Variants in CAPN7 observed in about 807,000 individuals in gnomAD.
CAPN7 encodes calpain 7.
A neutral mutation model predicts 115.2 loss-of-function variants in CAPN7; 72 were observed. The ratio of observed to expected loss-of-function variants is 0.63; its 90% CI spans 0.52 to 0.76. The LOEUF (loss-of-function observed/expected upper bound fraction) is 0.76, where lower values mean the gene tolerates loss of function less well. CAPN7 is among the 30% of genes least tolerant of loss of function. The pLI is 0.00. For missense variants in CAPN7, 905 were observed against 971.5 expected (o/e 0.93, Z 0.91); for synonymous variants, 344 against 322.3 (o/e 1.07, Z -0.72).
chr3:15,209,300 G>A (rs901037057), intron 1 of CAPN7, among the ~76,000 whole-genome samples: 2 of 152,080 alleles, frequency 1.3e-5, no homozygotes, highest in African/African-American at 2.4e-5. Context: ...ATGAGCCACC[G>A]CCCCCAGCCT....
chr3:15,230,587 CT>C, intron 9 of CAPN7, 52 bp downstream of exon 9: 1 of 1,049,622 alleles, frequency 9.5e-7, no homozygotes, highest in East Asian at 2.4e-5. Context: ...CGTTCCCTAC[CT>C]TTGAATCTTG....
chr3:15,222,070 C>CAAA (rs58470950), intron 5 of CAPN7, among the ~76,000 whole-genome samples: 1 of 135,556 alleles, frequency 7.4e-6, no homozygotes, highest in Non-Finnish European at 1.6e-5. Flanking sequence ...TTACATGCAT[C>CAAA]AAAAAAAAAA....
intron 2 of CAPN7, among the ~76,000 whole-genome samples, chr3:15,217,088 G>A (rs1693659548): frequency 6.7e-6 from 1 of 150,018 alleles, no homozygotes; most frequent in Non-Finnish European, 1.5e-5. Context: ...AAAAAAAAAA[G>A]AGAGAAAAAT....
chr3:15,207,044 T>A (rs1261622698), intron 1 of CAPN7, among the ~76,000 whole-genome samples: 2 of 152,240 alleles, frequency 1.3e-5, no homozygotes, highest in East Asian at 3.8e-4. Context: ...CATGCGTCCT[T>A]AGCGATGTGA....
At chr3:15,246,502 A>T in intron 17 of CAPN7, 1 of 442,038 alleles carries the variant, frequency 2.3e-6, no homozygotes, top group Non-Finnish European at 4.0e-6. Context: ...CAGAAGCCAC[A>T]GCCTGGAAAA....
intron 1 of CAPN7, chr3:15,210,952 C>A: frequency 1.7e-6 from 2 of 1,148,450 alleles, no homozygotes; most frequent in South Asian, 1.7e-5. Flanking sequence ...TCTGTCTTTG[C>A]TTTTCTAGGT....
intron 8 of CAPN7, 37 bp from the exon 9 acceptor site, chr3:15,230,405 A>C: frequency 7.5e-7 from 1 of 1,326,794 alleles, no homozygotes; most frequent in Non-Finnish European, 1.1e-6. Context: ...ATTGAATACT[A>C]ATGTTGGTAT....
intron 7 of CAPN7, among the ~76,000 whole-genome samples, chr3:15,228,403 C>G (rs1301796802): frequency 1.3e-5 from 2 of 151,974 alleles, no homozygotes; most frequent in South Asian, 2.1e-4. Context: ...AAATAATAAC[C>G]AGGAAAATAT....
rs772506760 is a variant in CAPN7 at position 15,230,432 on chromosome 3, C to A, written c.939-10C>A. Reference sequence around the variant, plus strand: ...TGTTGGTATTTTAATATTTATTTTTCTTACAAAAGCATAATTTACCCTCAA... The same window carrying A: ...TGTTGGTATTTTAATATTTATTTTTATTACAAAAGCATAATTTACCCTCAA... On this transcript the variant is annotated splice_polypyrimidine_tract_variant and intron_variant, in intron 8 of 20. Coordinates refer to ENST00000253693, the MANE Select transcript of CAPN7 (RefSeq NM_014296.3). 8 of 1,568,250 alleles carry A rather than the reference C, an allele frequency of 5.1e-6. No homozygotes were observed. The highest frequency in any genetic ancestry group is 7.0e-6 in the Non-Finnish European group (8 of 1,138,812).
At chr3:15,228,872 T>G in intron 7 of CAPN7, 102 bp from the exon 8 acceptor site, 1 of 821,860 alleles carries the variant, frequency 1.2e-6, no homozygotes, top group Non-Finnish European at 2.0e-6. Flanking sequence ...TAAGAAAAGA[T>G]ATTTAGTATA....
At chr3:15,245,485 G>A in intron 16 of CAPN7, 41 bp from the exon 17 acceptor site, 1 of 1,570,638 alleles carries the variant, frequency 6.4e-7, no homozygotes, top group Non-Finnish European at 8.6e-7. Flanking sequence ...ATTAAAGAAA[G>A]AAAAGTCTCC....
In CAPN7 at chr3:15,220,984, A is replaced by G. The variant is rs1283226430; in HGVS notation, c.638+3A>G. 1.2e-6 allele frequency: 2 copies of G among 1,609,620 alleles called. No individual in the cohort carries two copies. Among genetic ancestry groups the G allele is most frequent in the Admixed American group, 1.7e-5 (1 of 59,962 alleles). On this transcript the variant is annotated splice_donor_region_variant and intron_variant, in intron 5 of 20. Transcript: ENST00000253693. The stretch of plus-strand genomic sequence containing the variant: ...GCAGAAGAAATAGAAGTACTCAGGT[A>G]AATAAGTTTACAATTAATTGTAATG...
chr3:15,223,623 C>A, intron 6 of CAPN7, 62 bp downstream of exon 6: 1 of 927,576 alleles, frequency 1.1e-6, no homozygotes, highest in Admixed American at 2.4e-5. Context: ...CTCTGAAGTT[C>A]AATTTAATAG....
intron 18 of CAPN7, among the ~76,000 whole-genome samples, 191 bp downstream of exon 18, chr3:15,246,985 GAAA>G (rs1215204090): frequency 6.8e-6 from 1 of 147,862 alleles, no homozygotes; most frequent in African/African-American, 2.4e-5. Flanking sequence ...AAAATTCAGA[GAAA>G]GAAGATGAAT....
In CAPN7 at chr3:15,220,714, T is replaced by C. The variant is rs1029350123; in HGVS notation, c.438-67T>C. ...GCTTGACTGGTTCTTCAAGTAAATT[T>C]TGTTTCCTGAAAAGCTTAAATGTGA... On this transcript the variant is annotated intron_variant, in intron 4 of 20. Transcript: ENST00000253693. The C allele has an allele frequency of 7.1e-5, 102 of 1,433,436 alleles. 1 individual carries two copies. The Middle Eastern group carries it at 8.9e-4, about 12-fold the overall frequency. The allele number at this position is 1,433,436 out of a possible 1,614,324, so 88.8% of individuals were successfully genotyped here.
chr3:15,206,784 G>A (rs1433059997), intron 1 of CAPN7, among the ~76,000 whole-genome samples, 187 bp downstream of exon 1: 1 of 152,216 alleles, frequency 6.6e-6, no homozygotes, highest in African/African-American at 2.4e-5. Flanking sequence ...TGAGGCTGCG[G>A]GGAGGCTGGG....
chr3:15,231,988 C>A, intron 9 of CAPN7: 1 of 199,504 alleles, frequency 5.0e-6, no homozygotes, highest in Non-Finnish European at 1.0e-5. Flanking sequence ...AAGTGAGGCC[C>A]TTTTGTAATT....
At position 15,252,325 on chromosome 3, in the gene CAPN7, T is replaced by C. The variant is rs1370038276; in HGVS notation, c.*1065T>C. 2 of 152,640 alleles carry C rather than the reference T, an allele frequency of 1.3e-5. No individual in the cohort carries two copies. Among genetic ancestry groups the C allele is most frequent in the Non-Finnish European group, 2.9e-5 (2 of 68,020 alleles). 9.5% of individuals were successfully genotyped at this position (152,640 alleles called of 1,614,324 possible). On this transcript the variant is annotated 3_prime_UTR_variant, in exon 21 of 21. Coordinates refer to ENST00000253693, the MANE Select transcript of CAPN7 (RefSeq NM_014296.3). The stretch of plus-strand genomic sequence containing the variant: ...CGGATATTGCATAGTTTAAGTTAGA[T>C]TTATTGAAAGATTTCATCTGTCGTG...
chr3:15,244,806 G>A (rs1030414782), intron 16 of CAPN7, among the ~76,000 whole-genome samples: 5 of 152,096 alleles, frequency 3.3e-5, no homozygotes, highest in African/African-American at 4.8e-5. Context: ...AATTGGGGGT[G>A]TAGATAAAAT....
Sources: allele counts gnomAD v4.1 joint callset (sites outside exome capture counted in the v4.1 genomes callset), GRCh38; gene constraint gnomAD v4.1.1; transcripts MANE v1.5; gene names NCBI Gene and HGNC (gene_info 2026-07-23, HGNC 2026-07-21).